Variants in PRDM10 observed in about 807,000 individuals in gnomAD.
PRDM10 encodes PR/SET domain 10, also known as PR domain zinc finger protein 10.
Under a neutral mutation model 133.1 loss-of-function variants are expected in PRDM10, and 65 were observed. That is an observed-to-expected ratio of 0.49 (90% CI 0.40 to 0.60). PRDM10 has a LOEUF of 0.60. Ranked by LOEUF, PRDM10 falls within the 20% of genes least tolerant of loss-of-function variation. The pLI is 0.00. For synonymous variants in PRDM10, 582 were observed against 580.4 expected (o/e 1.00, Z -0.04); for missense variants, 1,137 against 1,507.1 (o/e 0.75, Z 4.07).
intron 8 of PRDM10, among the ~76,000 whole-genome samples, chr11:129,937,071 T>C (rs945566089): frequency 1.3e-5 from 2 of 152,352 alleles, no homozygotes; most frequent in African/African-American, 4.8e-5. Flanking sequence ...GCATATCTTA[T>C]GTGTGGTACT....
intron 3 of PRDM10, among the ~76,000 whole-genome samples, chr11:129,956,368 G>C (rs1342835004): frequency 1.3e-5 from 2 of 152,184 alleles, no homozygotes; most frequent in African/African-American, 4.8e-5. Context: ...AGGAGATCGA[G>C]ACCTGGCCAA....
At chr11:129,995,630 A>T (rs921648352) in intron 1 of PRDM10, among the ~76,000 whole-genome samples, 3 of 152,064 alleles carry the variant, frequency 2.0e-5, no homozygotes, top group Non-Finnish European at 4.4e-5. Context: ...TGCACACAAA[A>T]ATAAGAATCT....
chr11:129,932,202 T>TTGCCTCGTCCCCTTCCTC lies in PRDM10; in HGVS notation c.1169_1186dup (p.Arg390_Gly395dup). 6.2e-7 allele frequency: 1 copy of TTGCCTCGTCCCCTTCCTC among 1,614,148 alleles called. No homozygotes were observed. Among genetic ancestry groups the TTGCCTCGTCCCCTTCCTC allele is most frequent in the Non-Finnish European group, 8.5e-7 (1 of 1,179,990 alleles). On this transcript the variant is annotated inframe_insertion, in exon 10 of 21. Transcript: ENST00000360871. ...CCGTCGACCTGGACCGAATCGCCTC[T>TTGCCTCGTCCCCTTCCTC]TGCCTCGTCCCCTTCCTCTGCCTCT...
Position 129,923,149 on chromosome 11 carries a change from G to A in PRDM10, c.2034+99C>T. Reference sequence around the variant, plus strand: ...GTATCTCAGGTCCAGTTCATCAGAGGTGGGTGATAAACTGATGAAATGAAC... The same window carrying A: ...GTATCTCAGGTCCAGTTCATCAGAGATGGGTGATAAACTGATGAAATGAAC... On this transcript the variant is annotated intron_variant, in intron 13 of 20. Coordinates refer to ENST00000360871, the MANE Select transcript of PRDM10 (RefSeq NM_199437.2). The surrounding 1 kb of genome is among the most constrained non-coding windows in gnomAD (Gnocchi z 4.4). 1.5e-6 allele frequency: 2 copies of A among 1,329,864 alleles called. No individual in the cohort carries two copies. Among genetic ancestry groups the A allele is most frequent in the Non-Finnish European group, 1.0e-6 (1 of 999,064 alleles). The allele number at this position is 1,329,864 out of a possible 1,614,324, so 82.4% of individuals were successfully genotyped here. A position where few individuals can be genotyped will look rare whatever the true frequency, so the allele number is the denominator to read the frequency against.
In PRDM10 at chr11:129,901,284, C is replaced by T. The variant is rs907970612; in HGVS notation, c.*1029G>A. 6.6e-6 allele frequency: 1 copy of T among 152,606 alleles called. No individual in the cohort carries two copies. The highest frequency in any genetic ancestry group is 1.5e-5 in the Non-Finnish European group (1 of 68,038). 9.5% of individuals were successfully genotyped at this position (152,606 alleles called of 1,614,324 possible). A position where few individuals can be genotyped will look rare whatever the true frequency, so the allele number is the denominator to read the frequency against. On this transcript the variant is annotated 3_prime_UTR_variant, in exon 21 of 21. Transcript: ENST00000360871. ...AAATGTTAATAAATAAGAAATGCCA[C>T]CTTCCTGTCCAACTTTAAAGAATGT... is the stretch of plus-strand genomic sequence containing the variant.
rs1951368882 is a variant in PRDM10, at chr11:129,945,275, A to T, written c.521-263T>A. 6.6e-6 allele frequency among the ~76,000 whole-genome samples: 1 copy of T among 152,170 alleles called. No individual in the cohort carries two copies. The highest frequency in any genetic ancestry group is 2.4e-5 in the African/African-American group (1 of 41,442). On this transcript the variant is annotated intron_variant, in intron 5 of 20. Coordinates refer to ENST00000360871, the MANE Select transcript of PRDM10 (RefSeq NM_199437.2). The surrounding 1 kb of genome is among the most constrained non-coding windows in gnomAD (Gnocchi z 4.2). ...GCCATGACTGACTTCTTTGCTGGAG[A>T]GTCCTTTGAATAGTGGCCACTAAAT...
chr11:129,974,874 C>G (rs925200440), intron 1 of PRDM10, among the ~76,000 whole-genome samples: 6 of 152,204 alleles, frequency 3.9e-5, no homozygotes, highest in African/African-American at 1.4e-4. Flanking sequence ...CATGCTTCAA[C>G]AGGGAGGAAC....
intron 4 of PRDM10, among the ~76,000 whole-genome samples, chr11:129,953,203 C>T (rs1013311215): frequency 6.6e-6 from 1 of 152,082 alleles, no homozygotes. Context: ...GTATCAAACT[C>T]CTGATCTCAG....
chr11:129,916,119 T>C (rs1188190197), intron 15 of PRDM10, among the ~76,000 whole-genome samples: 2 of 152,228 alleles, frequency 1.3e-5, no homozygotes, highest in Non-Finnish European at 2.9e-5. Flanking sequence ...AAAATACCCT[T>C]TATCCTAAAG....
chr11:129,953,539 C>T (rs1405797749), intron 4 of PRDM10, among the ~76,000 whole-genome samples: 1 of 152,212 alleles, frequency 6.6e-6, no homozygotes, highest in East Asian at 1.9e-4. Context: ...AGTGATCTGC[C>T]TGCCTCAGCC....
intron 19 of PRDM10, among the ~76,000 whole-genome samples, chr11:129,908,326 A>G (rs935728740): frequency 2.0e-5 from 3 of 152,132 alleles, no homozygotes; most frequent in African/African-American, 7.2e-5. Flanking sequence ...TTCAAAAATT[A>G]GACTACACGT....
rs1192515249 is a variant in PRDM10 at position 129,945,814 on chromosome 11, G to T, written c.521-802C>A. On this transcript the variant is annotated intron_variant, in intron 5 of 20. Transcript: ENST00000360871. The surrounding 1 kb of genome is among the most constrained non-coding windows in gnomAD (Gnocchi z 4.2). ...TAACATGCTTTACCTTACTCCAGCT[G>T]CATGGTGACCTGGTTTAGGAAATAG... Among the ~76,000 whole-genome samples, 1 of 152,184 alleles carries T rather than the reference G, an allele frequency of 6.6e-6. No individual in the cohort carries two copies. Among genetic ancestry groups the T allele is most frequent in the African/African-American group, 2.4e-5 (1 of 41,434 alleles).
chr11:129,972,903 T>C (rs1369580394), intron 1 of PRDM10, among the ~76,000 whole-genome samples: 2 of 152,194 alleles, frequency 1.3e-5, no homozygotes, highest in African/African-American at 4.8e-5. Flanking sequence ...AGGGCAGTGA[T>C]CTGGACATAA....
chr11:129,986,308 G>A (rs1857543991), intron 1 of PRDM10, among the ~76,000 whole-genome samples: 2 of 152,124 alleles, frequency 1.3e-5, no homozygotes, highest in South Asian at 4.1e-4. Flanking sequence ...CATAGCTGGG[G>A]CCTTAACATG....
At chr11:129,912,974 CACT>C (rs1950237030) in intron 17 of PRDM10, among the ~76,000 whole-genome samples, 1 of 150,662 alleles carries the variant, frequency 6.6e-6, no homozygotes, top group Admixed American at 6.6e-5. Flanking sequence ...GCAGAAGAAT[CACT>C]TGAACCTGGG....
intron 1 of PRDM10, among the ~76,000 whole-genome samples, chr11:129,970,259 C>T (rs1951990117): frequency 6.6e-6 from 1 of 152,232 alleles, no homozygotes; most frequent in Non-Finnish European, 1.5e-5. Context: ...ACTAACCACA[C>T]ATATTGGTTC....
Position 129,918,674 on chromosome 11 carries a change from A to G in PRDM10, c.2079T>C (p.Pro693=). Residue 693 remains proline (P), a synonymous_variant, in exon 14 of 21, where the codon CCT becomes CCC. Coordinates refer to ENST00000360871, the MANE Select transcript of PRDM10 (RefSeq NM_199437.2). This position sits in a 1 kb window ranked among gnomAD's most constrained non-coding sequence, Gnocchi z 5.3. ...LREHMQRMHN[P]EREAKKADRI... is the part of the protein sequence containing the mutation. ...GGTCGGCTTTCTTGGCCTCCCTCTC[A>G]GGATTATGCATCCTCTGCATGTGTT... 1.2e-6 allele frequency: 2 copies of G among 1,614,102 alleles called. No homozygotes were observed. Among genetic ancestry groups the G allele is most frequent in the Non-Finnish European group, 1.7e-6 (2 of 1,179,988 alleles).
At chr11:129,999,949 T>C (rs545713029) in intron 1 of PRDM10, among the ~76,000 whole-genome samples, 4 of 152,200 alleles carry the variant, frequency 2.6e-5, no homozygotes, top group South Asian at 4.1e-4. Context: ...AAATATTTTA[T>C]ACACACACAA....
intron 7 of PRDM10, 94 bp from the exon 8 acceptor site, chr11:129,937,764 A>G: frequency 1.7e-6 from 2 of 1,152,666 alleles, no homozygotes; most frequent in Non-Finnish European, 2.5e-6. Context: ...GAAACAATTC[A>G]GGCTTTTCCA....
Sources: gnomAD v4.1 joint callset for allele counts (sites outside exome capture counted in the v4.1 genomes callset) on GRCh38, gnomAD v4.1.1 for gene constraint, Gnocchi (gnomAD v3.1) non-coding constraint, MANE v1.5 for transcripts, NCBI Gene and HGNC (gene_info 2026-07-23, HGNC 2026-07-21) for gene names.